CNKSR3: variants seen among roughly 807,000 people sequenced by gnomAD.
The protein encoded by CNKSR3 is connector enhancer of kinase suppressor of ras 3.
CNKSR3 carries 36 observed loss-of-function variants against 67.7 expected under a neutral mutation model. That is an observed-to-expected ratio of 0.53 (90% confidence interval 0.41 to 0.70). CNKSR3 has a LOEUF of 0.70. CNKSR3 is among the 30% of genes least tolerant of loss of function. The probability of loss-of-function intolerance (pLI) is 0.00; values close to 1 mark genes in which losing one functional copy is unlikely to be tolerated. For missense variants in CNKSR3, 630 were observed against 695.2 expected, an observed-to-expected ratio of 0.91 and a Z score of 1.05; for synonymous variants, 281 against 271.4, an observed-to-expected ratio of 1.04 and a Z score of -0.35.
At chr6:154,434,729 T>C (rs1022534687) in intron 4 of CNKSR3, among the ~76,000 whole-genome samples, 1 of 152,228 alleles carries the variant, frequency 6.6e-6, no homozygotes, top group African/African-American at 2.4e-5. Context: ...AAATGTATTT[T>C]TACATGTGTG....
rs13209273 is a variant in CNKSR3, at chr6:154,394,437, G to A, written c.*11917C>T. The A allele has an allele frequency of 0.029, 4,482 of 152,100 alleles. 133 individuals carry two copies. The highest frequency in any genetic ancestry group is 0.14 in the South Asian group (696 of 4,806). The allele number at this position is 152,100 out of a possible 1,614,324, so 9.4% of individuals were successfully genotyped here. The stretch of plus-strand genomic sequence containing the variant: ...CCAAAATTGGAGACACCATAACCAC[G>A]CTGGAGACACCAGGAGCAACCCAAG... On this transcript the variant is annotated 3_prime_UTR_variant, in exon 13 of 13. Coordinates refer to ENST00000607772, the MANE Select transcript of CNKSR3 (RefSeq NM_173515.4).
chr6:154,486,299 C>CTT (rs760666886), intron 1 of CNKSR3, among the ~76,000 whole-genome samples: 3 of 138,690 alleles, frequency 2.2e-5, no homozygotes, highest in Middle Eastern at 3.5e-3. Flanking sequence ...CTCTCTTTTT[C>CTT]TTTTTTTTTT....
rs989064588 is a variant in CNKSR3, at chr6:154,410,853, T to A, written c.1279+81A>T. 9 of 1,105,564 alleles carry A rather than the reference T, an allele frequency of 8.1e-6. No homozygotes were observed. In the African/African-American group the frequency reaches 1.3e-4, roughly 15 times the overall value. The allele number at this position is 1,105,564 out of a possible 1,614,324, so 68.5% of individuals were successfully genotyped here. On this transcript the variant is annotated intron_variant, in intron 11 of 12. Transcript: ENST00000607772. The stretch of plus-strand genomic sequence containing the variant: ...TTACTCTTGAAGTCTGCCAAATTCA[T>A]CCAACAGTTCCAACTAAGGCAGGGG...
chr6:154,456,197 T>C (rs59149970), intron 1 of CNKSR3, among the ~76,000 whole-genome samples: 1,712 of 152,286 alleles, frequency 0.011, 29 homozygotes, highest in African/African-American at 0.04. Flanking sequence ...TGGCAGAAGC[T>C]ACAATTCTTC....
At position 154,503,768 on chromosome 6, in the gene CNKSR3, A is replaced by C. The variant is rs116826805; in HGVS notation, c.52+6295T>G. On this transcript the variant is annotated intron_variant, in intron 1 of 12. Transcript: ENST00000607772. Reference sequence around the variant, plus strand: ...CTAGGTGGTGCTTATAAATATAAGCACACACCGTAAGACTGGTTTTTTACT... The same window carrying C: ...CTAGGTGGTGCTTATAAATATAAGCCCACACCGTAAGACTGGTTTTTTACT... Among the ~76,000 whole-genome samples the C allele has an allele frequency of 5.5e-3, 833 of 152,322 alleles. 7 individuals are homozygous for C. Among genetic ancestry groups the C allele is most frequent in the African/African-American group, 0.019 (783 of 41,568 alleles).
chr6:154,450,220 C>T lies in CNKSR3; in HGVS notation c.91G>A (p.Glu31Lys), dbSNP rs2128719143. The change falls in exon 2 of 13, where the codon GAA becomes AAA. Residue 31 changes from glutamate to lysine, a missense_variant. Physicochemically the swap from Glu to Lys is moderately conservative, Grantham distance 56 (BLOSUM62 1). This residue lies in a region of CNKSR3 where 189 missense variants were observed against 205.0 expected (regional missense o/e 0.92). Transcript: ENST00000607772. The part of the protein sequence containing the change: ...DCLQQYVHKF[E>K]REKINGEQLL... ...TGCTCGCCGTTGATCTTCTCTCGTT[C>T]AAACTTGTGGACATATTGTTGCAGG... is the stretch of plus-strand genomic sequence containing the variant. 1 of 1,614,184 alleles carries T rather than the reference C, an allele frequency of 6.2e-7. No homozygotes were observed. Among genetic ancestry groups the T allele is most frequent in the South Asian group, 1.1e-5 (1 of 91,072 alleles).
chr6:154,442,066 A>G (rs1353088551), intron 3 of CNKSR3, 22 bp downstream of exon 3: 1 of 1,580,398 alleles, frequency 6.3e-7, no homozygotes, highest in Non-Finnish European at 8.6e-7. Context: ...GCAGGGCAGT[A>G]AAAGGCACAT....
At chr6:154,412,793 T>C (rs1170337541) in intron 10 of CNKSR3, among the ~76,000 whole-genome samples, 1 of 152,168 alleles carries the variant, frequency 6.6e-6, no homozygotes, top group African/African-American at 2.4e-5. Context: ...AAAATGTCAC[T>C]GTAATAAAAT....
chr6:154,418,922 C>T (rs932806361), intron 9 of CNKSR3, among the ~76,000 whole-genome samples: 1 of 127,592 alleles, frequency 7.8e-6, no homozygotes, highest in Non-Finnish European at 1.6e-5. Context: ...GGTTAATACC[C>T]AAAGTATATA....
intron 4 of CNKSR3, 34 bp downstream of exon 4, chr6:154,441,258 A>AG: frequency 8.0e-7 from 1 of 1,253,954 alleles, no homozygotes; most frequent in Admixed American, 2.3e-5. Context: ...AAAAAAAAAA[A>AG]AAAAAAAGAA....
chr6:154,486,069 T>C (rs1786659625), intron 1 of CNKSR3, among the ~76,000 whole-genome samples: 1 of 152,174 alleles, frequency 6.6e-6, no homozygotes, highest in African/African-American at 2.4e-5. Flanking sequence ...AAGTGTTGGG[T>C]ATTAACTATG....
At chr6:154,448,434 C>CAAAAAA (rs56872694) in intron 2 of CNKSR3, among the ~76,000 whole-genome samples, 1 of 121,762 alleles carries the variant, frequency 8.2e-6, no homozygotes, top group Non-Finnish European at 1.7e-5. Flanking sequence ...CACGTTTGTA[C>CAAAAAA]AAAAAAAAAA....
intron 4 of CNKSR3, among the ~76,000 whole-genome samples, chr6:154,440,021 T>C (rs1582861402): frequency 6.6e-6 from 1 of 152,222 alleles, no homozygotes; most frequent in Non-Finnish European, 1.5e-5. Flanking sequence ...CATGGCTGTA[T>C]GACTAATGCA....
At chr6:154,471,704 A>G (rs1047903948) in intron 1 of CNKSR3, among the ~76,000 whole-genome samples, 6 of 152,108 alleles carry the variant, frequency 3.9e-5, no homozygotes, top group Non-Finnish European at 8.8e-5. Flanking sequence ...CATCAAACAG[A>G]CTGGACAGCA....
At chr6:154,426,647 A>G (rs1785262956) in intron 7 of CNKSR3, among the ~76,000 whole-genome samples, 1 of 152,060 alleles carries the variant, frequency 6.6e-6, no homozygotes, top group Non-Finnish European at 1.5e-5. Context: ...GAGCCACCGC[A>G]CCCGGCCCGT....
intron 6 of CNKSR3, among the ~76,000 whole-genome samples, chr6:154,428,718 A>T (rs1481079212): frequency 6.6e-6 from 1 of 151,118 alleles, no homozygotes; most frequent in Non-Finnish European, 1.5e-5. Context: ...AAAGGATCTC[A>T]CTATGTTACC....
chr6:154,438,759 T>C (rs997393540), intron 4 of CNKSR3, among the ~76,000 whole-genome samples: 93 of 152,322 alleles, frequency 6.1e-4, no homozygotes, highest in African/African-American at 2.2e-3. Flanking sequence ...TCCCTTGAGT[T>C]CTGATAAAAG....
intron 7 of CNKSR3, 144 bp from the exon 8 acceptor site, chr6:154,423,127 A>G: frequency 1.7e-6 from 1 of 588,752 alleles, no homozygotes; most frequent in Non-Finnish European, 3.1e-6. Flanking sequence ...TATTCCCCTG[A>G]GACTACACAG....
intron 2 of CNKSR3, among the ~76,000 whole-genome samples, chr6:154,447,700 C>G (rs1299898364): frequency 6.6e-6 from 1 of 152,108 alleles, no homozygotes; most frequent in Admixed American, 6.6e-5. Flanking sequence ...TGTTTCTCCC[C>G]TCCCCCTTCC....
Sources: allele counts gnomAD v4.1 joint callset (sites outside exome capture counted in the v4.1 genomes callset), GRCh38; gene constraint gnomAD v4.1.1; regional missense constraint gnomAD v4.1.1; transcripts MANE v1.5; gene names NCBI Gene and HGNC (gene_info 2026-07-23, HGNC 2026-07-21).